Variants in ATP8A2 observed in about 807,000 individuals in gnomAD.
ATP8A2 encodes the protein ATPase phospholipid transporting 8A2.
In ATP8A2, 100 loss-of-function variants were observed where a neutral mutation model predicts 165.6. The ratio of observed to expected loss-of-function variants is 0.60; its 90% confidence interval spans 0.51 to 0.71. The LOEUF is 0.71. Ranked by LOEUF, ATP8A2 falls within the 30% of genes least tolerant of loss-of-function variation. ATP8A2 has a pLI of 0.00. For synonymous variants in ATP8A2, 543 were observed against 548.8 expected (o/e 0.99, Z 0.15); for missense variants, 1,227 against 1,479.5 (o/e 0.83, Z 2.80).
chr13:25,505,037 A>G (rs1408555179), intron 2 of ATP8A2, among the ~76,000 whole-genome samples: 1 of 152,066 alleles, frequency 6.6e-6, no homozygotes, highest in African/African-American at 2.4e-5. Flanking sequence ...CCTCTTTCTT[A>G]TGTGAGATAT....
chr13:25,617,560 C>T (rs555923032), intron 24 of ATP8A2, among the ~76,000 whole-genome samples: 1 of 152,274 alleles, frequency 6.6e-6, no homozygotes, highest in African/African-American at 2.4e-5. Flanking sequence ...TGACAAAACT[C>T]TTTTAAGTTC....
chr13:25,853,269 G>A (rs1448493219), intron 30 of ATP8A2, among the ~76,000 whole-genome samples: 1 of 151,656 alleles, frequency 6.6e-6, no homozygotes, highest in Non-Finnish European at 1.5e-5. Context: ...ATGCACACCT[G>A]TAGTCCCAGC....
At chr13:25,991,767 A>G (rs952678058) in intron 35 of ATP8A2, among the ~76,000 whole-genome samples, 6 of 152,148 alleles carry the variant, frequency 3.9e-5, no homozygotes, top group African/African-American at 2.4e-5. Context: ...CTGGATTTCC[A>G]GTTTTTGCTC....
chr13:25,949,211 G>A (rs888675945), intron 33 of ATP8A2, among the ~76,000 whole-genome samples: 11 of 152,204 alleles, frequency 7.2e-5, no homozygotes, highest in African/African-American at 2.7e-4. Flanking sequence ...GGCTCTGCAG[G>A]GGCAGGAGAA....
chr13:25,755,021 T>C (rs147572029), intron 25 of ATP8A2, among the ~76,000 whole-genome samples: 36 of 152,290 alleles, frequency 2.4e-4, no homozygotes, highest in African/African-American at 8.7e-4. Flanking sequence ...TTGTTGGAGG[T>C]AAGAGTAAGA....
At chr13:25,641,616 A>G (rs748706104) in intron 24 of ATP8A2, among the ~76,000 whole-genome samples, 2 of 152,206 alleles carry the variant, frequency 1.3e-5, no homozygotes, top group South Asian at 2.1e-4. Flanking sequence ...ATACAAACAA[A>G]TGGAAGAACA....
chr13:25,643,232 T>G (rs766555203), intron 24 of ATP8A2, among the ~76,000 whole-genome samples: 10 of 152,076 alleles, frequency 6.6e-5, no homozygotes, highest in Non-Finnish European at 1.2e-4. Flanking sequence ...AAAAAGAATA[T>G]TGTGATCCTC....
chr13:25,802,209 T>TATGA (rs1173118031), intron 27 of ATP8A2, among the ~76,000 whole-genome samples: 1 of 152,164 alleles, frequency 6.6e-6, no homozygotes, highest in Non-Finnish European at 1.5e-5. Context: ...ATCTTAGAAC[T>TATGA]TGTCTTTACA....
At chr13:25,803,751 C>T (rs369550040) in intron 27 of ATP8A2, among the ~76,000 whole-genome samples, 2 of 152,192 alleles carry the variant, frequency 1.3e-5, no homozygotes, top group South Asian at 2.1e-4. Context: ...TTAGCCAAAC[C>T]TGTTTGTTGT....
chr13:25,720,149 G>GATAAATGT (rs1168376725), intron 25 of ATP8A2, among the ~76,000 whole-genome samples: 1 of 147,490 alleles, frequency 6.8e-6, no homozygotes, highest in Non-Finnish European at 1.5e-5. Flanking sequence ...CATGACCTCC[G>GATAAATGT]ATAAATGTAT....
chr13:25,663,271 G>A (rs2042087962), intron 24 of ATP8A2, among the ~76,000 whole-genome samples: 1 of 152,198 alleles, frequency 6.6e-6, no homozygotes, highest in Non-Finnish European at 1.5e-5. Context: ...TTCAATGCAG[G>A]AGTGACTTTA....
At position 25,915,450 on chromosome 13, in the gene ATP8A2, A is replaced by G. The variant is rs532224429; in HGVS notation, c.3184-46125A>G. On this transcript the variant is annotated intron_variant, in intron 33 of 36. Coordinates refer to ENST00000381655, the MANE Select transcript of ATP8A2 (RefSeq NM_016529.6). Reference sequence around the variant, plus strand: ...GACCAAGACAAGAAGCAATAAATATACCAAAGCTCAGTAGCTGGGTCGCTG... The same window carrying G: ...GACCAAGACAAGAAGCAATAAATATGCCAAAGCTCAGTAGCTGGGTCGCTG... Among the ~76,000 whole-genome samples, 8 of 152,362 alleles carry G rather than the reference A, an allele frequency of 5.3e-5. No homozygotes were observed. In the South Asian group the frequency reaches 1.0e-3, roughly 20 times the overall value.
chr13:25,698,230 T>G (rs1443317177), intron 24 of ATP8A2, among the ~76,000 whole-genome samples: 2 of 151,912 alleles, frequency 1.3e-5, no homozygotes, highest in African/African-American at 2.4e-5. Context: ...GTCTGTTTTT[T>G]TTTTTTTTTT....
intron 25 of ATP8A2, among the ~76,000 whole-genome samples, chr13:25,742,771 T>C (rs1419574019): frequency 2.7e-5 from 4 of 150,470 alleles, no homozygotes; most frequent in Non-Finnish European, 4.4e-5. Context: ...CTAGAAAAGA[T>C]GGAGGAGGCA....
chr13:25,627,276 A>G (rs566918606), intron 24 of ATP8A2, among the ~76,000 whole-genome samples: 1 of 152,284 alleles, frequency 6.6e-6, no homozygotes, highest in South Asian at 2.1e-4. Context: ...AGTGAGGTCA[A>G]GAAGCAGACA....
At chr13:25,558,821 A>C (rs2039057992) in intron 13 of ATP8A2, 152 bp from the exon 14 acceptor site, 1 of 545,470 alleles carries the variant, frequency 1.8e-6, no homozygotes, top group Non-Finnish European at 3.2e-6. Flanking sequence ...AAGCATTAAA[A>C]TATTAATATA....
At chr13:25,533,677 A>T (rs781142271) in intron 6 of ATP8A2, among the ~76,000 whole-genome samples, 5 of 152,230 alleles carry the variant, frequency 3.3e-5, no homozygotes, top group Non-Finnish European at 5.9e-5. Flanking sequence ...TGGAAAGGTC[A>T]TTAACTACAG....
chr13:25,448,267 G>A (rs2035123050), intron 1 of ATP8A2, among the ~76,000 whole-genome samples: 1 of 152,184 alleles, frequency 6.6e-6, no homozygotes, highest in Non-Finnish European at 1.5e-5. Flanking sequence ...TCACCCTATT[G>A]TGCTGTCAAA....
intron 2 of ATP8A2, among the ~76,000 whole-genome samples, chr13:25,492,470 A>C (rs1267003825): frequency 1.3e-5 from 2 of 152,200 alleles, no homozygotes; most frequent in Non-Finnish European, 2.9e-5. Flanking sequence ...GGGGCTGCTT[A>C]CAAAAAAAAT....
Sources: allele counts gnomAD v4.1 joint callset (sites outside exome capture counted in the v4.1 genomes callset), GRCh38; gene constraint gnomAD v4.1.1; transcripts MANE v1.5; gene names NCBI Gene and HGNC (gene_info 2026-07-23, HGNC 2026-07-21).